CTNND2: variants seen among roughly 807,000 people sequenced by gnomAD.
The protein encoded by CTNND2 is catenin delta-2.
In CTNND2, 22 loss-of-function variants were observed where a neutral mutation model predicts 144.4. The ratio of observed to expected loss-of-function variants is 0.15; its 90% CI spans 0.11 to 0.22. The LOEUF (loss-of-function observed/expected upper bound fraction) is 0.22, where lower values mean the gene tolerates loss of function less well. Among genes scored for constraint, CTNND2 ranks in the 10% least tolerant of loss-of-function variants. The probability of loss-of-function intolerance (pLI) is 1.00; values close to 1 mark genes in which losing one functional copy is unlikely to be tolerated. For missense variants in CTNND2, 1,353 were observed against 1,618.8 expected (o/e 0.84, Z 2.82); for synonymous variants, 751 against 695.6 (o/e 1.08, Z -1.25).
At chr5:11,398,084 T>C (rs558921264) in intron 5 of CTNND2, among the ~76,000 whole-genome samples, 84 of 152,236 alleles carry the variant, frequency 5.5e-4, no homozygotes, top group African/African-American at 2.0e-3. Flanking sequence ...TGAGAGGGGC[T>C]GGGGTAAGAA....
chr5:11,722,433 A>C (rs1464522352), intron 2 of CTNND2, among the ~76,000 whole-genome samples: 1 of 152,238 alleles, frequency 6.6e-6, no homozygotes, highest in African/African-American at 2.4e-5. Flanking sequence ...GAAATGTGCT[A>C]AAATAAAAAA....
intron 16 of CTNND2, among the ~76,000 whole-genome samples, chr5:11,076,877 G>T (rs577343366): frequency 2.6e-5 from 4 of 152,204 alleles, no homozygotes; most frequent in Non-Finnish European, 5.9e-5. Context: ...GATCTACGAA[G>T]AATTCTATTT....
chr5:11,271,647 G>C (rs1225552952), intron 9 of CTNND2, among the ~76,000 whole-genome samples: 2 of 152,142 alleles, frequency 1.3e-5, no homozygotes, highest in African/African-American at 2.4e-5. Context: ...TTCATATTCA[G>C]ATAAAGAGGG....
At chr5:11,018,279 G>T (rs959171538) in intron 17 of CTNND2, among the ~76,000 whole-genome samples, 2 of 152,102 alleles carry the variant, frequency 1.3e-5, no homozygotes, top group Non-Finnish European at 2.9e-5. Context: ...TGTTCCGACT[G>T]CTCCACAGAC....
intron 10 of CTNND2, among the ~76,000 whole-genome samples, chr5:11,223,717 C>T (rs568189102): frequency 5.3e-5 from 8 of 152,126 alleles, no homozygotes; most frequent in Non-Finnish European, 1.2e-4. Flanking sequence ...TGATGCGTCC[C>T]TGACATTTGG....
At position 11,601,383 on chromosome 5, in the gene CTNND2, T is replaced by G. The variant is rs138677160; in HGVS notation, c.175-36327A>C. Among the ~76,000 whole-genome samples, 767 of 152,272 alleles carry G rather than the reference T, an allele frequency of 5.0e-3. 3 individuals carry two copies. Among genetic ancestry groups the G allele is most frequent in the African/African-American group, 0.017 (719 of 41,574 alleles). The stretch of plus-strand genomic sequence containing the variant: ...AATGATGTATTGCTCTGTAAGAATT[T>G]TATTTTTTTGTGAAAAAAATGAAAG... On this transcript the variant is annotated intron_variant, in intron 2 of 21. Transcript: ENST00000304623.
intron 12 of CTNND2, among the ~76,000 whole-genome samples, chr5:11,148,689 T>C (rs1395403272): frequency 2.0e-5 from 3 of 152,058 alleles, no homozygotes; most frequent in Non-Finnish European, 2.9e-5. Flanking sequence ...CCCGTGGGAG[T>C]GGGAAGCTGC....
chr5:11,163,265 A>G (rs1758975202), intron 11 of CTNND2, among the ~76,000 whole-genome samples: 1 of 152,280 alleles, frequency 6.6e-6, no homozygotes, highest in Admixed American at 6.5e-5. Context: ...GGGGAAGCCA[A>G]TTGTCATGCC....
At chr5:11,493,716 T>C (rs1769669856) in intron 3 of CTNND2, among the ~76,000 whole-genome samples, 1 of 152,228 alleles carries the variant, frequency 6.6e-6, no homozygotes, top group African/African-American at 2.4e-5. Context: ...CAACAATAGT[T>C]AAATTCCATT....
chr5:11,156,693 A>T (rs982297123), intron 12 of CTNND2, among the ~76,000 whole-genome samples: 8 of 148,820 alleles, frequency 5.4e-5, no homozygotes, highest in Non-Finnish European at 1.2e-4. Flanking sequence ...AGGCACCCAC[A>T]GTTCTAGTTG....
chr5:11,193,366 G>T lies in CTNND2; in HGVS notation c.1975+6082C>A, dbSNP rs1736529943. 2.0e-5 allele frequency among the ~76,000 whole-genome samples: 3 copies of T among 152,034 alleles called. No homozygotes were observed. In the South Asian group the frequency reaches 6.2e-4, roughly 32 times the overall value. ...CCATGGGAATTTGATATTTGGTAGG[G>T]TTTATATTAAAATTTGAAGCATCTC... On this transcript the variant is annotated intron_variant, in intron 11 of 21. Transcript: ENST00000304623.
rs572853464 is a variant in CTNND2, at chr5:11,334,694, C to T, written c.1628+11678G>A. ...GAGCCACCCTAGGGTCTCACTGTAG[C>T]ATCCTTCAAGAGCAGATAGATAGGG... On this transcript the variant is annotated intron_variant, in intron 9 of 21. Coordinates refer to ENST00000304623, the MANE Select transcript of CTNND2 (RefSeq NM_001332.4). Among the ~76,000 whole-genome samples the T allele has an allele frequency of 1.1e-4, 16 of 152,318 alleles. No individual in the cohort carries two copies. The South Asian group carries it at 3.1e-3, about 30-fold the overall frequency.
intron 2 of CTNND2, among the ~76,000 whole-genome samples, chr5:11,628,969 T>A (rs1489679219): frequency 6.6e-6 from 1 of 152,198 alleles, no homozygotes; most frequent in African/African-American, 2.4e-5. Context: ...TAGACTAATT[T>A]GTGAGATAAT....
Position 11,121,652 on chromosome 5 carries a change from T to C in CTNND2, c.2160-4085A>G, listed in dbSNP as rs1754152911. ...TTTTAATGCAACTAAACTGCTTCCT[T>C]TCCCCTGTCTTCTGTGCTGCTTGAA... On this transcript the variant is annotated intron_variant, in intron 12 of 21. Transcript: ENST00000304623. 2.0e-5 allele frequency among the ~76,000 whole-genome samples: 3 copies of C among 152,300 alleles called. No individual in the cohort carries two copies. In the South Asian group the frequency reaches 6.2e-4, roughly 32 times the overall value.
chr5:11,854,684 T>G (rs1795172406), intron 1 of CTNND2, among the ~76,000 whole-genome samples: 1 of 152,228 alleles, frequency 6.6e-6, no homozygotes, highest in South Asian at 2.1e-4. Flanking sequence ...ATATTCCATC[T>G]TAACACAAGT....
rs1736144294 is a variant in CTNND2 at position 10,974,054 on chromosome 5, T to C, written c.3418-341A>G. Among the ~76,000 whole-genome samples, 4 of 152,212 alleles carry C rather than the reference T, an allele frequency of 2.6e-5. No homozygotes were observed. The South Asian group carries it at 8.3e-4, about 32-fold the overall frequency. On this transcript the variant is annotated intron_variant, in intron 21 of 21. Transcript: ENST00000304623. ...ATCACCACCATCCGTTTCCACCACT[T>C]TTTAAATCATCCCAAACAGAAACTC...
chr5:11,637,493 CAA>C (rs75776587), intron 2 of CTNND2, among the ~76,000 whole-genome samples: 5,965 of 152,192 alleles, frequency 0.039, 216 homozygotes, highest in African/African-American at 0.1. Flanking sequence ...TTTTATATGA[CAA>C]AGTTACTTTT....
At chr5:11,422,439 G>C (rs1385171605) in intron 3 of CTNND2, among the ~76,000 whole-genome samples, 1 of 152,154 alleles carries the variant, frequency 6.6e-6, no homozygotes, top group African/African-American at 2.4e-5. Flanking sequence ...ATTAATTTTA[G>C]TTTGAGGCAG....
chr5:11,475,380 T>C (rs1054537670), intron 3 of CTNND2, among the ~76,000 whole-genome samples: 2 of 152,210 alleles, frequency 1.3e-5, no homozygotes, highest in Non-Finnish European at 2.9e-5. Context: ...AGTGAACAAT[T>C]AATGGCATAA....
Sources: gnomAD v4.1 joint callset for allele counts (sites outside exome capture counted in the v4.1 genomes callset) on GRCh38, gnomAD v4.1.1 for gene constraint, MANE v1.5 for transcripts, NCBI Gene and HGNC (gene_info 2026-07-23, HGNC 2026-07-21) for gene names.